The following KLHDC4 variants were observed in gnomAD, a reference collection of about 807,000 sequenced individuals.
The protein encoded by KLHDC4 is kelch domain containing 4.
A neutral mutation model predicts 62.4 loss-of-function variants in KLHDC4; 90 were observed. The ratio of observed to expected loss-of-function variants is 1.44; its 90% confidence interval spans 1.22 to 1.72. The LOEUF (loss-of-function observed/expected upper bound fraction) is 1.72, where lower values mean the gene tolerates loss of function less well. Ranked by LOEUF, KLHDC4 falls within the 40% of genes most tolerant of loss-of-function variation. The probability of loss-of-function intolerance (pLI) is 0.00; values close to 1 mark genes in which losing one functional copy is unlikely to be tolerated. For missense variants in KLHDC4, 1,025 were observed against 699.7 expected (o/e 1.47, Z -5.25); for synonymous variants, 386 against 284.4 (o/e 1.36, Z -3.59).
intron 5 of KLHDC4, chr16:87,740,765 T>C (rs944717825): frequency 6.6e-6 from 1 of 152,190 alleles, no homozygotes; most frequent in African/African-American, 2.4e-5. Context: ...CCCTCCATAA[T>C]TAACACCACT....
downstream of KLHDC4, among the ~76,000 whole-genome samples, chr16:87,706,549 T>C (rs892829990): frequency 6.6e-6 from 1 of 152,142 alleles, no homozygotes; most frequent in Non-Finnish European, 1.5e-5. Context: ...CAGACAGGTG[T>C]CCCCACCAGG....
rs545734446 is a variant in KLHDC4 at position 87,701,612 on chromosome 16, G to A, written c.*27C>T. ...TGGGTTTCTGGGGTCGGCAGAGTGG[G>A]CCAGGCAACAACCTCACATGCCTAC... is the stretch of plus-strand genomic sequence containing the variant. On this transcript the variant is annotated 3_prime_UTR_variant, in exon 1 of 1. Transcript: ENST00000446344. 2.1e-4 allele frequency: 94 copies of A among 438,314 alleles called. 1 individual carries two copies. The highest frequency in any genetic ancestry group is 1.2e-3 in the South Asian group (71 of 61,566). 27.2% of individuals were successfully genotyped at this position (438,314 alleles called of 1,614,324 possible).
intron 8 of KLHDC4, among the ~76,000 whole-genome samples, chr16:87,712,224 C>G (rs994623591): frequency 6.6e-6 from 1 of 152,292 alleles, no homozygotes; most frequent in Middle Eastern, 3.4e-3. Context: ...GTGCAGATGT[C>G]TCCCCACCAC....
intron 5 of KLHDC4, among the ~76,000 whole-genome samples, chr16:87,732,108 T>TTTA (rs2040486003): frequency 6.6e-6 from 1 of 151,284 alleles, no homozygotes; most frequent in African/African-American, 2.4e-5. Flanking sequence ...TTTTTTTTTT[T>TTTA]TTTTTTTGAG....
At chr16:87,737,377 C>G (rs950952765) in intron 5 of KLHDC4, among the ~76,000 whole-genome samples, 1 of 152,022 alleles carries the variant, frequency 6.6e-6, no homozygotes, top group Non-Finnish European at 1.5e-5. Flanking sequence ...CACTTGAAGT[C>G]AGGAGTTCAA....
intron 5 of KLHDC4, among the ~76,000 whole-genome samples, chr16:87,746,979 C>A (rs2043133019): frequency 6.6e-6 from 1 of 152,240 alleles, no homozygotes; most frequent in Admixed American, 6.5e-5. Context: ...GCAGCTGGAG[C>A]TGCACACGAG....
chr16:87,702,959 T>C (rs1287595621), downstream of KLHDC4: 3 of 152,402 alleles, frequency 2.0e-5, no homozygotes, highest in East Asian at 5.8e-4. Context: ...TTTTCCTAAA[T>C]GAATGTAACA....
chr16:87,765,969 G>A lies in KLHDC4; in HGVS notation c.-79C>T. The A allele has an allele frequency of 2.9e-6, 4 of 1,398,228 alleles. No homozygotes were observed. The highest frequency in any genetic ancestry group is 3.9e-6 in the Non-Finnish European group (4 of 1,016,508). The allele number at this position is 1,398,228 out of a possible 1,614,324, so 86.6% of individuals were successfully genotyped here. On this transcript the variant is annotated 5_prime_UTR_variant, in exon 1 of 12. Coordinates refer to ENST00000270583, the MANE Select transcript of KLHDC4 (RefSeq NM_017566.4). ...CTCCGCTCGGAAACAGGTGCTCGTG[G>A]GGCGGAGCTCGGCGCACAGAAATGG...
chr16:87,764,262 C>T (rs920168903), intron 1 of KLHDC4, among the ~76,000 whole-genome samples: 2 of 152,026 alleles, frequency 1.3e-5, no homozygotes, highest in African/African-American at 4.8e-5. Context: ...ACATACAAAC[C>T]CCAGGCCTGA....
intron 7 of KLHDC4, among the ~76,000 whole-genome samples, chr16:87,718,558 G>A (rs939156857): frequency 2.0e-5 from 3 of 151,780 alleles, no homozygotes; most frequent in Non-Finnish European, 4.4e-5. Flanking sequence ...GTGCAGTGGC[G>A]TGATCTCGGC....
intron 5 of KLHDC4, among the ~76,000 whole-genome samples, chr16:87,733,164 C>T (rs549374462): frequency 9.7e-5 from 14 of 144,992 alleles, no homozygotes; most frequent in African/African-American, 2.6e-4. Flanking sequence ...CCAGCTTCTA[C>T]AGGTGAAAAG....
At position 87,738,198 on chromosome 16, in the gene KLHDC4, T is replaced by A. The variant is rs114645699; in HGVS notation, c.507-7554A>T. ...GTCACTGTTAGCTAACTCGTTGCGG[T>A]CCTTCACTACAGAATCGTAAAGTAA... On this transcript the variant is annotated intron_variant, in intron 5 of 11. Transcript: ENST00000270583. Among the ~76,000 whole-genome samples, 728 of 152,288 alleles carry A rather than the reference T, an allele frequency of 4.8e-3. 3 individuals are homozygous for A. Among genetic ancestry groups the A allele is most frequent in the African/African-American group, 0.017 (697 of 41,542 alleles).
At chr16:87,720,597 T>A (rs2038090235) in intron 7 of KLHDC4, among the ~76,000 whole-genome samples, 1 of 152,176 alleles carries the variant, frequency 6.6e-6, no homozygotes, top group Admixed American at 6.5e-5. Flanking sequence ...CATCTCACGT[T>A]TTGCGGGGCT....
intron 7 of KLHDC4, among the ~76,000 whole-genome samples, chr16:87,722,985 G>A (rs2038700570): frequency 6.6e-6 from 1 of 152,226 alleles, no homozygotes; most frequent in South Asian, 2.1e-4. Context: ...CACAGTGTGT[G>A]GGGTCTTCTC....
At chr16:87,757,786 G>A (rs2045218225) in intron 2 of KLHDC4, among the ~76,000 whole-genome samples, 1 of 152,070 alleles carries the variant, frequency 6.6e-6, no homozygotes, top group African/African-American at 2.4e-5. Flanking sequence ...CAGCTACTCA[G>A]GAGGCTGAGG....
At chr16:87,765,063 G>C (rs779994258) in intron 1 of KLHDC4, 1 of 454,474 alleles carries the variant, frequency 2.2e-6, no homozygotes, top group Non-Finnish European at 4.4e-6. Flanking sequence ...CTACGGAACT[G>C]ACCTGCTCGT....
intron 5 of KLHDC4, among the ~76,000 whole-genome samples, chr16:87,747,325 A>C (rs1002561910): frequency 2.0e-5 from 3 of 152,232 alleles, no homozygotes; most frequent in Non-Finnish European, 2.9e-5. Flanking sequence ...CTATTAAAAA[A>C]TCAATCGATT....
Position 87,714,505 on chromosome 16 carries a change from T to G in KLHDC4, c.828A>C (p.Gly276=), listed in dbSNP as rs1413803888. The G allele has an allele frequency of 1.2e-6, 2 of 1,614,140 alleles. No homozygotes were observed. Among genetic ancestry groups the G allele is most frequent in the East Asian group, 2.2e-5 (1 of 44,858 alleles). ...SDMFLLKPED[G]REDKWVWTRM... ...GAGGCACAGCACCTCTACCTTCTCT[T>G]CCGTCCTCTGGCTTCAGCAGGAACA... The change falls in exon 8 of 12, where the codon GGA becomes GGC. Residue 276 remains glycine, a synonymous_variant. Transcript: ENST00000270583.
chr16:87,728,120 G>T (rs543678784), intron 6 of KLHDC4, among the ~76,000 whole-genome samples: 1 of 152,200 alleles, frequency 6.6e-6, no homozygotes, highest in African/African-American at 2.4e-5. Flanking sequence ...CTACGAGGTG[G>T]AGGCTACAGT....
Sources: gnomAD v4.1 joint callset for allele counts (sites outside exome capture counted in the v4.1 genomes callset) on GRCh38, gnomAD v4.1.1 for gene constraint, MANE v1.5 for transcripts, NCBI Gene and HGNC (gene_info 2026-07-23, HGNC 2026-07-21) for gene names.